EDEM3: variants seen among roughly 807,000 people sequenced by gnomAD.
EDEM3 encodes ER degradation enhancing alpha-mannosidase like protein 3, also known as ER degradation-enhancing alpha-mannosidase-like protein 3.
Under a neutral mutation model 110.2 loss-of-function variants are expected in EDEM3, and 60 were observed. The observed-to-expected ratio is 0.54, with a 90% confidence interval of 0.44 to 0.67. The LOEUF (loss-of-function observed/expected upper bound fraction) is 0.67. EDEM3 is among the 30% of genes least tolerant of loss of function. EDEM3 has a pLI of 0.00. For missense variants in EDEM3, 996 were observed against 1,121.0 expected (o/e 0.89, Z 1.59); for synonymous variants, 352 against 382.9 (o/e 0.92, Z 0.94).
At chr1:184,727,231 A>C (rs1361798189) in intron 6 of EDEM3, among the ~76,000 whole-genome samples, 1 of 152,206 alleles carries the variant, frequency 6.6e-6, no homozygotes, top group Non-Finnish European at 1.5e-5. Flanking sequence ...TGGAGGTTGC[A>C]GTGAGCTGAG....
At chr1:184,753,919 T>G (rs1652929789) in intron 1 of EDEM3, among the ~76,000 whole-genome samples, 1 of 152,202 alleles carries the variant, frequency 6.6e-6, no homozygotes, top group South Asian at 2.1e-4. Context: ...AACTACTGAA[T>G]AGGTATACTT....
chr1:184,722,019 A>T (rs1650929407), intron 8 of EDEM3, among the ~76,000 whole-genome samples: 1 of 151,860 alleles, frequency 6.6e-6, no homozygotes, highest in Non-Finnish European at 1.5e-5. Flanking sequence ...ACAAGTCTGG[A>T]TTTTTCCTCT....
In EDEM3 at chr1:184,694,428, A is replaced by C. The variant is rs1195317191; in HGVS notation, c.2434T>G (p.Ser812Ala). 6.2e-7 allele frequency: 1 copy of C among 1,608,618 alleles called. No individual in the cohort carries two copies. Among genetic ancestry groups the C allele is most frequent in the Non-Finnish European group, 8.5e-7 (1 of 1,177,170 alleles). Residue 812 changes from serine to alanine, a missense_variant, in exon 20 of 20, where the codon TCT becomes GCT. Ser to Ala is a moderately conservative substitution (Grantham distance 99, BLOSUM62 1). This residue lies in a region of EDEM3 where 345 missense variants were observed against 402.0 expected (regional missense o/e 0.86). Coordinates refer to ENST00000318130, the MANE Select transcript of EDEM3 (RefSeq NM_025191.4). ...NEEQPSSENDSQNQSGEQISS... is the reference protein window; with the variant it reads ...NEEQPSSENDAQNQSGEQISS... ...ATCTGTTCACCACTCTGATTCTGAG[A>C]ATCATTTTCAGAGGATGGTTGTTCT...
chr1:184,732,037 G>A (rs778548561), intron 6 of EDEM3, among the ~76,000 whole-genome samples: 1 of 152,034 alleles, frequency 6.6e-6, no homozygotes, highest in Non-Finnish European at 1.5e-5. Context: ...TTAGCCGGTC[G>A]TGGTAGTGGG....
At chr1:184,701,589 T>C (rs1441430926) in intron 19 of EDEM3, 11 of 1,212,214 alleles carry the variant, frequency 9.1e-6, no homozygotes, top group Non-Finnish European at 7.5e-6. Flanking sequence ...AAAAAGCAAA[T>C]GCATTAAAGA....
chr1:184,707,680 T>C (rs1650006807), intron 17 of EDEM3, among the ~76,000 whole-genome samples: 1 of 152,210 alleles, frequency 6.6e-6, no homozygotes, highest in African/African-American at 2.4e-5. Flanking sequence ...TTCTACGTTA[T>C]AACTATGTTA....
intron 2 of EDEM3, 36 bp from the exon 3 acceptor site, chr1:184,737,747 T>C: frequency 1.3e-6 from 2 of 1,566,924 alleles, no homozygotes; most frequent in Non-Finnish European, 1.8e-6. Flanking sequence ...CTAAGGAAAA[T>C]AAGCGAAAGC....
At position 184,734,574 on chromosome 1, in the gene EDEM3, C is replaced by T. The variant is rs746933616; in HGVS notation, c.415G>A (p.Asp139Asn). The T allele has an allele frequency of 7.1e-6, 11 of 1,556,400 alleles. No individual in the cohort carries two copies. Among genetic ancestry groups the T allele is most frequent in the African/African-American group, 2.7e-5 (2 of 73,002 alleles). Reference sequence around the variant, plus strand: ...GTTTCAAAGACTGATACGACTACATCGTTATCTAAATTAACATCTCTTAAA... The same window carrying T: ...GTTTCAAAGACTGATACGACTACATTGTTATCTAAATTAACATCTCTTAAA... ...KVLRDVNLDN[D>N]VVVSVFETNI... The change falls in exon 5 of 20, where the codon GAT (aspartate) becomes AAT (asparagine). Residue 139 changes from aspartate (D) to asparagine (N), a missense_variant. By Grantham distance (23) the Asp-to-Asn change is conservative (BLOSUM62 1). This residue lies in a region of EDEM3 where 200 missense variants were observed against 183.8 expected (regional missense o/e 1.09). Coordinates refer to ENST00000318130, the MANE Select transcript of EDEM3 (RefSeq NM_025191.4).
Position 184,719,442 on chromosome 1 carries a change from C to T in EDEM3, c.1077+1G>A. 1 of 1,609,994 alleles carries T rather than the reference C, an allele frequency of 6.2e-7. No homozygotes were observed. Among genetic ancestry groups the T allele is most frequent in the East Asian group, 2.2e-5 (1 of 44,836 alleles). ...TATTAAGAAGACAGAATTCTTTATA[C>T]CTGCAAGCCTGGGAAGAAGGCAAGC... On this transcript the variant is annotated splice_donor_variant, in intron 10 of 19. Coordinates refer to ENST00000318130, the MANE Select transcript of EDEM3 (RefSeq NM_025191.4). LOFTEE classifies it high-confidence loss of function.
Position 184,694,498 on chromosome 1 carries a change from T to C in EDEM3, c.2390-26A>G, listed in dbSNP as rs980060780. 5 of 1,526,458 alleles carry C rather than the reference T, an allele frequency of 3.3e-6. No individual in the cohort carries two copies. The African/African-American group carries it at 7.1e-5, about 22-fold the overall frequency. The allele number at this position is 1,526,458 out of a possible 1,614,324, so 94.6% of individuals were successfully genotyped here. On this transcript the variant is annotated intron_variant, in intron 19 of 19. Transcript: ENST00000318130. ...CTGTATGAGAAAGAAACAAACCTCA[T>C]GCTACTTCTCTAAAAAAATGTACTA...
intron 2 of EDEM3, among the ~76,000 whole-genome samples, chr1:184,745,289 T>C (rs1652367236): frequency 6.6e-6 from 1 of 152,072 alleles, no homozygotes; most frequent in Admixed American, 6.6e-5. Flanking sequence ...CAAGGAACAA[T>C]GACTCATAGA....
chr1:184,712,678 G>A (rs769631671), intron 13 of EDEM3, 80 bp from the exon 14 acceptor site: 8 of 979,488 alleles, frequency 8.2e-6, no homozygotes, highest in African/African-American at 1.7e-5. Context: ...TAGAGTCAAG[G>A]TTAATAATCC....
intron 1 of EDEM3, among the ~76,000 whole-genome samples, chr1:184,754,207 G>A (rs1652952298): frequency 6.6e-6 from 1 of 152,090 alleles, no homozygotes; most frequent in Non-Finnish European, 1.5e-5. Flanking sequence ...CCCTTCTTGG[G>A]CCACTGACAT....
intron 11 of EDEM3, 128 bp downstream of exon 11, chr1:184,719,034 A>G: frequency 2.1e-6 from 1 of 481,976 alleles, no homozygotes; most frequent in Admixed American, 3.7e-5. Flanking sequence ...AAAAAAATAA[A>G]AAGAACCAAC....
In EDEM3 at chr1:184,691,057, G is replaced by C. The variant is rs1649042026; in HGVS notation, c.*3006C>G. 1 of 152,420 alleles carries C rather than the reference G, an allele frequency of 6.6e-6. No homozygotes were observed. The highest frequency in any genetic ancestry group is 1.5e-5 in the Non-Finnish European group (1 of 67,936). 9.4% of individuals were successfully genotyped at this position (152,420 alleles called of 1,614,324 possible). On this transcript the variant is annotated 3_prime_UTR_variant, in exon 20 of 20. Coordinates refer to ENST00000318130, the MANE Select transcript of EDEM3 (RefSeq NM_025191.4). ...ACATTAGTGAAGTTAAAATCAGAAA[G>C]TGTACAATTTTTCTTTTTACTAATA...
Position 184,711,799 on chromosome 1 carries a change from G to A in EDEM3, c.1615C>T (p.Pro539Ser). 1 of 1,613,380 alleles carries A rather than the reference G, an allele frequency of 6.2e-7. No individual in the cohort carries two copies. Among genetic ancestry groups the A allele is most frequent in the Non-Finnish European group, 8.5e-7 (1 of 1,179,550 alleles). The change falls in exon 15 of 20, where the codon CCA becomes TCA. Residue 539 changes from proline (P) to serine (S), a missense_variant. By Grantham distance (74) the Pro-to-Ser change is moderately conservative (BLOSUM62 -1). This residue lies in a region of EDEM3 where 138 missense variants were observed against 124.3 expected (regional missense o/e 1.11). Transcript: ENST00000318130. Reference sequence around the variant, plus strand: ...TCACGAATACTTTGAGCATACAATGGGTCATTAGGAAAGAGGATCTGAGTA... The same window carrying A: ...TCACGAATACTTTGAGCATACAATGAGTCATTAGGAAAGAGGATCTGAGTA... ...PNTQILFPND[P>S]LYAQSIREPL...
chr1:184,748,946 ATTT>A (rs768311799), intron 2 of EDEM3, among the ~76,000 whole-genome samples: 1 of 152,008 alleles, frequency 6.6e-6, no homozygotes, highest in South Asian at 2.1e-4. Flanking sequence ...TATGTGCAAA[ATTT>A]TTTTTGAATT....
At chr1:184,712,405 G>A in intron 14 of EDEM3, 28 bp downstream of exon 14, 1 of 1,563,018 alleles carries the variant, frequency 6.4e-7, no homozygotes, top group Non-Finnish European at 8.6e-7. Context: ...ATAAAAAAGA[G>A]AATAAGACAT....
At chr1:184,742,982 A>G (rs1652226170) in intron 2 of EDEM3, among the ~76,000 whole-genome samples, 1 of 152,176 alleles carries the variant, frequency 6.6e-6, no homozygotes, top group South Asian at 2.1e-4. Context: ...GGGTTTTCTA[A>G]CACACAGACA....
Sources: allele counts gnomAD v4.1 joint callset (sites outside exome capture counted in the v4.1 genomes callset), GRCh38; gene constraint gnomAD v4.1.1; regional missense constraint gnomAD v4.1.1; transcripts MANE v1.5; gene names NCBI Gene and HGNC (gene_info 2026-07-23, HGNC 2026-07-21).